Variants in ESRRB observed in about 807,000 individuals in gnomAD.
The protein encoded by ESRRB is estrogen related receptor beta.
Under a neutral mutation model 46.0 loss-of-function variants are expected in ESRRB, and 16 were observed. The ratio of observed to expected loss-of-function variants is 0.35; its 90% CI spans 0.24 to 0.53. The LOEUF is 0.53. Among genes scored for constraint, ESRRB ranks in the 20% least tolerant of loss-of-function variants. The probability of loss-of-function intolerance (pLI) is 0.93; values close to 1 mark genes in which losing one functional copy is unlikely to be tolerated. For synonymous variants in ESRRB, 246 were observed against 259.6 expected (o/e 0.95, Z 0.50); for missense variants, 488 against 607.4 (o/e 0.80, Z 2.07).
Position 76,499,573 on chromosome 14 carries a change from A to C in ESRRB, c.*1115A>C. The C allele has an allele frequency of 4.0e-6, 2 of 496,534 alleles. No individual in the cohort carries two copies. Among genetic ancestry groups the C allele is most frequent in the East Asian group, 3.8e-5 (1 of 26,122 alleles). 30.8% of individuals were successfully genotyped at this position (496,534 alleles called of 1,614,324 possible). On this transcript the variant is annotated 3_prime_UTR_variant, in exon 7 of 7. Coordinates refer to ENST00000644823, the MANE Select transcript of ESRRB (RefSeq NM_001379180.1). ...GCACTCAGCATCATGCCACAGGGCT[A>C]GTGTACCAGTGCCACAGGAGGGGTG...
intron 2 of ESRRB, among the ~76,000 whole-genome samples, chr14:76,442,010 C>T (rs1196343367): frequency 6.6e-6 from 1 of 152,182 alleles, no homozygotes; most frequent in Non-Finnish European, 1.5e-5. Context: ...ATTTATGAAA[C>T]CAATTGAAGA....
At chr14:76,313,306 C>T (rs78294458) in intron 1 of ESRRB, among the ~76,000 whole-genome samples, 4,682 of 102,494 alleles carry the variant, frequency 0.046, 164 homozygotes, top group East Asian at 0.23. Flanking sequence ...TTTGAGCTCC[C>T]ATCAAATTCA....
intron 1 of ESRRB, among the ~76,000 whole-genome samples, chr14:76,383,736 TAGTTGGGTAA>T (rs939431624): frequency 6.6e-6 from 1 of 152,080 alleles, no homozygotes; most frequent in African/African-American, 2.4e-5. Context: ...TGAGCATGAT[TAGTTGGGTAA>T]AGTCCCAAAG....
intron 3 of ESRRB, among the ~76,000 whole-genome samples, chr14:76,475,566 G>C (rs771642322): frequency 6.6e-6 from 1 of 152,048 alleles, no homozygotes; most frequent in Admixed American, 6.6e-5. Flanking sequence ...ATCTATCCAC[G>C]GACACTTGGG....
At chr14:76,464,490 G>A (rs1195335620) in intron 3 of ESRRB, among the ~76,000 whole-genome samples, 1 of 152,308 alleles carries the variant, frequency 6.6e-6, no homozygotes, top group East Asian at 1.9e-4. Context: ...AGAAGCTCTT[G>A]AAGCAGGCCC....
At chr14:76,389,879 CATCA>C (rs1885396105) in intron 1 of ESRRB, among the ~76,000 whole-genome samples, 1 of 152,152 alleles carries the variant, frequency 6.6e-6, no homozygotes, top group Non-Finnish European at 1.5e-5. Flanking sequence ...ACGTTCTTGC[CATCA>C]ATTTACACCT....
intron 3 of ESRRB, among the ~76,000 whole-genome samples, chr14:76,473,920 A>T (rs1889471418): frequency 6.6e-6 from 1 of 152,074 alleles, no homozygotes; most frequent in African/African-American, 2.4e-5. Context: ...CTTCTTTGCT[A>T]TTTTTTGTGC....
intron 3 of ESRRB, among the ~76,000 whole-genome samples, chr14:76,481,795 A>G (rs1401043891): frequency 1.3e-5 from 2 of 152,214 alleles, no homozygotes; most frequent in Non-Finnish European, 2.9e-5. Flanking sequence ...GAATCCAGAG[A>G]GACAGGACCA....
Position 76,463,445 on chromosome 14 carries a change from G to GTTTTTTTTGTTTTTTTTTTTTTTTT in ESRRB, c.577+792_577+793insGTTTTTTTTTTTTTTTTTTTTTTTT, listed in dbSNP as rs1362309981. The GTTTTTTTTGTTTTTTTTTTTTTTTT allele has an allele frequency of 6.7e-4, 77 of 114,694 alleles. 5 individuals carry two copies. The highest frequency in any genetic ancestry group is 2.3e-3 in the African/African-American group (62 of 27,276). The allele number at this position is 114,694 out of a possible 1,614,324, so 7.1% of individuals were successfully genotyped here. ...TGAAATTAGCATCACATGCTTCTTT[G>GTTTTTTTTGTTTTTTTTTTTTTTTT]TTTTTTTTTTTTTTTTTTGGAGACG... On this transcript the variant is annotated intron_variant, in intron 3 of 6. Coordinates refer to ENST00000644823, the MANE Select transcript of ESRRB (RefSeq NM_001379180.1).
intron 1 of ESRRB, among the ~76,000 whole-genome samples, chr14:76,361,514 TGA>T (rs1434175551): frequency 2.0e-5 from 3 of 152,226 alleles, no homozygotes; most frequent in African/African-American, 7.2e-5. Flanking sequence ...TACATACTTC[TGA>T]GAGTTATCTC....
chr14:76,358,366 AGAAAGAAAGAAAGAAAG>A (rs2139768636), intron 1 of ESRRB, among the ~76,000 whole-genome samples: 1 of 97,750 alleles, frequency 1.0e-5, no homozygotes, highest in African/African-American at 3.9e-5. Flanking sequence ...AAAGAAAGAA[AGAAAGAAAGAAAGAAAG>A]AAAGAAAGAA....
chr14:76,449,761 CTTT>C (rs79764142), intron 2 of ESRRB, among the ~76,000 whole-genome samples: 8 of 126,278 alleles, frequency 6.3e-5, no homozygotes, highest in Admixed American at 8.2e-5. Context: ...TTTTTCTTTC[CTTT>C]TTTTTTTTTT....
chr14:76,341,107 T>G (rs1213053993), intron 1 of ESRRB, among the ~76,000 whole-genome samples: 3 of 152,208 alleles, frequency 2.0e-5, no homozygotes, highest in African/African-American at 7.2e-5. Context: ...TCCAGCCTCC[T>G]GCAAATGGGA....
intron 1 of ESRRB, among the ~76,000 whole-genome samples, chr14:76,405,025 A>G (rs192459751): frequency 1.5e-3 from 225 of 152,320 alleles, no homozygotes; most frequent in African/African-American, 4.9e-3. Context: ...GTGTATTTAC[A>G]TAGACACGAA....
intron 1 of ESRRB, among the ~76,000 whole-genome samples, chr14:76,385,389 C>T (rs888425839): frequency 1.3e-5 from 2 of 152,112 alleles, no homozygotes; most frequent in Non-Finnish European, 2.9e-5. Flanking sequence ...CTTCAATTCC[C>T]TTGTTGGACC....
chr14:76,385,350 T>G (rs1290400740), intron 1 of ESRRB, among the ~76,000 whole-genome samples: 1 of 152,148 alleles, frequency 6.6e-6, no homozygotes, highest in Admixed American at 6.5e-5. Flanking sequence ...AGATCTGCTT[T>G]CCCCCTCAAT....
At position 76,357,077 on chromosome 14, in the gene ESRRB, A is replaced by G. The variant is rs546307081; in HGVS notation, c.2+46161A>G. Among the ~76,000 whole-genome samples, 15 of 152,192 alleles carry G rather than the reference A, an allele frequency of 9.9e-5. No individual in the cohort carries two copies. In the South Asian group the frequency reaches 3.1e-3, roughly 32 times the overall value. The stretch of plus-strand genomic sequence containing the variant: ...CAAGCTATAGCCCAGCTAATGGAGG[A>G]TAATCTACTAGTATCCGCCACTCCT... On this transcript the variant is annotated intron_variant, in intron 1 of 6. Coordinates refer to the ESRRB transcript ENST00000512784.
intron 1 of ESRRB, among the ~76,000 whole-genome samples, chr14:76,426,771 C>T (rs1258752462): frequency 6.6e-6 from 1 of 152,088 alleles, no homozygotes; most frequent in Non-Finnish European, 1.5e-5. Context: ...TGGATCACAC[C>T]TGTAATCCCA....
intron 1 of ESRRB, among the ~76,000 whole-genome samples, chr14:76,358,333 AAGAAAG>A (rs1884415532): frequency 6.0e-5 from 1 of 16,710 alleles, no homozygotes; most frequent in Non-Finnish European, 1.0e-4. Flanking sequence ...AAAAGAAAGA[AAGAAAG>A]AAAGAAAGAA....
Sources: gnomAD v4.1 joint callset for allele counts (sites outside exome capture counted in the v4.1 genomes callset) on GRCh38, gnomAD v4.1.1 for gene constraint, MANE v1.5 for transcripts, NCBI Gene and HGNC (gene_info 2026-07-23, HGNC 2026-07-21) for gene names.